The following SLC35B3 variants were observed in gnomAD, a reference collection of about 807,000 sequenced individuals.
SLC35B3 encodes adenosine 3'-phospho 5'-phosphosulfate transporter 2.
A neutral mutation model predicts 44.1 loss-of-function variants in SLC35B3; 35 were observed. The observed-to-expected ratio is 0.79, with a 90% CI of 0.61 to 1.05. The LOEUF is 1.05. Among genes scored for constraint, SLC35B3 ranks in the 50% least tolerant of loss-of-function variants. SLC35B3 has a pLI of 0.00. For missense variants in SLC35B3, 414 were observed against 476.4 expected, an observed-to-expected ratio of 0.87 and a Z score of 1.22; for synonymous variants, 146 against 167.3, an observed-to-expected ratio of 0.87 and a Z score of 0.98.
Position 8,422,618 on chromosome 6 carries a change from TG to T in SLC35B3, c.425del (p.Pro142GlnfsTer6), listed in dbSNP as rs752884499. The T allele has an allele frequency of 4.7e-5, 76 of 1,603,364 alleles. No individual in the cohort carries two copies. The highest frequency in any genetic ancestry group is 5.9e-5 in the Non-Finnish European group (70 of 1,177,086). ...AAGCTATTATCATGTAGGTTTTTCC[TG>T]GTATTCTGTAAAAGACAATTTTTAA... On this transcript the variant is annotated frameshift_variant, in exon 5 of 11. Coordinates refer to ENST00000644923, the MANE Select transcript of SLC35B3 (RefSeq NM_001370476.2). LOFTEE classifies it high-confidence loss of function.
intron 9 of SLC35B3, among the ~76,000 whole-genome samples, chr6:8,415,432 T>A (rs1204484551): frequency 6.6e-6 from 1 of 152,156 alleles, no homozygotes. Context: ...GCAACTGTAT[T>A]AACTTTTCCC....
intron 2 of SLC35B3, among the ~76,000 whole-genome samples, chr6:8,431,654 G>GT (rs1405870614): frequency 1.3e-5 from 2 of 152,248 alleles, no homozygotes; most frequent in Non-Finnish European, 2.9e-5. Context: ...ACTGTCATTT[G>GT]TAAGACTTTT....
chr6:8,435,460 G>T lies in SLC35B3; in HGVS notation c.-161C>A. ...TCACCTCCTCTTCCTCCTCCTCCTC[G>T]CCCACTCCTGCACTTTCCACCGCGG... On this transcript the variant is annotated 5_prime_UTR_variant, in exon 1 of 11. Coordinates refer to ENST00000644923, the MANE Select transcript of SLC35B3 (RefSeq NM_001370476.2). The surrounding 1 kb of genome is among the most constrained non-coding windows in gnomAD (Gnocchi z 5.5). 1 of 1,139,202 alleles carries T rather than the reference G, an allele frequency of 8.8e-7. No homozygotes were observed. The highest frequency in any genetic ancestry group is 1.2e-6 in the Non-Finnish European group (1 of 856,638). The allele number at this position is 1,139,202 out of a possible 1,614,324, so 70.6% of individuals were successfully genotyped here.
At chr6:8,428,662 T>C (rs1338553488) in intron 3 of SLC35B3, among the ~76,000 whole-genome samples, 1 of 152,128 alleles carries the variant, frequency 6.6e-6, no homozygotes, top group Non-Finnish European at 1.5e-5. Context: ...TTAGAGAAAA[T>C]TTATTTAATG....
At position 8,420,157 on chromosome 6, in the gene SLC35B3, G is replaced by C. The variant is rs1308580136; in HGVS notation, c.683-480C>G. Reference sequence around the variant, plus strand: ...CGCTGCTGTCAGGGCCTTTTTCTTTGAGCATGGGTCCTGAATAGAATTCCA... The same window carrying C: ...CGCTGCTGTCAGGGCCTTTTTCTTTCAGCATGGGTCCTGAATAGAATTCCA... On this transcript the variant is annotated intron_variant, in intron 6 of 10. Coordinates refer to ENST00000644923, the MANE Select transcript of SLC35B3 (RefSeq NM_001370476.2). The surrounding 1 kb of genome is among the most constrained non-coding windows in gnomAD (Gnocchi z 4.4). Among the ~76,000 whole-genome samples the C allele has an allele frequency of 6.6e-6, 1 of 151,526 alleles. No individual in the cohort carries two copies. Among genetic ancestry groups the C allele is most frequent in the Non-Finnish European group, 1.5e-5 (1 of 67,900 alleles).
Position 8,412,548 on chromosome 6 carries a change from A to G in SLC35B3, c.*1001T>C, listed in dbSNP as rs1225261670. Among the ~76,000 whole-genome samples the G allele has an allele frequency of 6.6e-6, 1 of 152,250 alleles. No homozygotes were observed. The highest frequency in any genetic ancestry group is 1.5e-5 in the Non-Finnish European group (1 of 68,036). On this transcript the variant is annotated 3_prime_UTR_variant, in exon 11 of 11. Coordinates refer to ENST00000644923, the MANE Select transcript of SLC35B3 (RefSeq NM_001370476.2). ...CTTACTACACATACTTACATGATGC[A>G]GAATGATGTCTGTTTTTACTACCTT...
Position 8,412,600 on chromosome 6 carries a change from C to T in SLC35B3, c.*949G>A, listed in dbSNP as rs1368574454. On this transcript the variant is annotated 3_prime_UTR_variant, in exon 11 of 11. Coordinates refer to ENST00000644923, the MANE Select transcript of SLC35B3 (RefSeq NM_001370476.2). ...CCTATATTCTACATAAAACTTAAAG[C>T]ATGTCTTCTCTAAATCAGTGGTCCC... 6.6e-6 allele frequency among the ~76,000 whole-genome samples: 1 copy of T among 152,138 alleles called. No homozygotes were observed. The highest frequency in any genetic ancestry group is 1.5e-5 in the Non-Finnish European group (1 of 68,022).
At chr6:8,422,036 G>A (rs759737438) in intron 5 of SLC35B3, among the ~76,000 whole-genome samples, 3 of 151,992 alleles carry the variant, frequency 2.0e-5, no homozygotes, top group African/African-American at 4.8e-5. Context: ...ATGGAGTCTC[G>A]CTCTGTCGCC....
Position 8,420,871 on chromosome 6 carries a change from C to T in SLC35B3, c.575-43G>A, listed in dbSNP as rs146523676. On this transcript the variant is annotated intron_variant, in intron 5 of 10. Transcript: ENST00000644923. The surrounding 1 kb of genome is among the most constrained non-coding windows in gnomAD (Gnocchi z 4.4). ...AAGTCCACTTCATTATGCAAATACC[C>T]ACCCAGCTTTATATTTGCTCTATGT... is the stretch of plus-strand genomic sequence containing the variant. 1.4e-5 allele frequency: 20 copies of T among 1,445,574 alleles called. No individual in the cohort carries two copies. Among genetic ancestry groups the T allele is most frequent in the Non-Finnish European group, 1.9e-5 (20 of 1,041,064 alleles). 89.5% of individuals were successfully genotyped at this position (1,445,574 alleles called of 1,614,324 possible).
rs1354982712 is a variant in SLC35B3, at chr6:8,434,496, T to C, written c.-43-66A>G. 26 of 1,380,038 alleles carry C rather than the reference T, an allele frequency of 1.9e-5. No homozygotes were observed. The highest frequency in any genetic ancestry group is 1.8e-4 in the Middle Eastern group (1 of 5,416). The allele number at this position is 1,380,038 out of a possible 1,614,324, so 85.5% of individuals were successfully genotyped here. On this transcript the variant is annotated intron_variant, in intron 1 of 10. Coordinates refer to ENST00000644923, the MANE Select transcript of SLC35B3 (RefSeq NM_001370476.2). The surrounding 1 kb of genome is among the most constrained non-coding windows in gnomAD (Gnocchi z 6.3). Reference sequence around the variant, plus strand: ...TCTCATTTCTTTGTACACACATCATTACACAAAGGTGGAGAAACCCTGTGC... The same window carrying C: ...TCTCATTTCTTTGTACACACATCATCACACAAAGGTGGAGAAACCCTGTGC...
In SLC35B3 at chr6:8,435,495, C is replaced by T. The variant is rs539334123; in HGVS notation, c.-196G>A. ...GCACTTTCCACCGCGGCGGTCGCCT[C>T]CCCGGAAAGCACTCTCAACTCCGGC... On this transcript the variant is annotated 5_prime_UTR_variant, in exon 1 of 11. Coordinates refer to ENST00000644923, the MANE Select transcript of SLC35B3 (RefSeq NM_001370476.2). This position sits in a 1 kb window ranked among gnomAD's most constrained non-coding sequence, Gnocchi z 5.5. 7 of 857,934 alleles carry T rather than the reference C, an allele frequency of 8.2e-6. No individual in the cohort carries two copies. The Admixed American group carries it at 2.0e-4, about 25-fold the overall frequency. The allele number at this position is 857,934 out of a possible 1,614,324, so 53.1% of individuals were successfully genotyped here.
At chr6:8,413,992 C>A (rs114494093) in intron 10 of SLC35B3, among the ~76,000 whole-genome samples, 4 of 152,140 alleles carry the variant, frequency 2.6e-5, no homozygotes, top group Non-Finnish European at 4.4e-5. Context: ...CAGTCCCCTA[C>A]CAAAAGTCGT....
intron 10 of SLC35B3, among the ~76,000 whole-genome samples, chr6:8,414,369 G>C (rs1276704849): frequency 2.0e-5 from 3 of 152,066 alleles, no homozygotes; most frequent in African/African-American, 7.2e-5. Context: ...AGTAAAGACA[G>C]TAAATATGAT....
chr6:8,426,786 G>A (rs1488660445), intron 4 of SLC35B3, among the ~76,000 whole-genome samples: 1 of 152,160 alleles, frequency 6.6e-6, no homozygotes, highest in Non-Finnish European at 1.5e-5. Flanking sequence ...GAGGCTGGAA[G>A]AGTTTGGAGG....
rs1191127438 is a variant in SLC35B3 at position 8,433,848 on chromosome 6, G to T, written c.3+537C>A. On this transcript the variant is annotated intron_variant, in intron 2 of 10. Transcript: ENST00000644923. The surrounding 1 kb of genome is among the most constrained non-coding windows in gnomAD (Gnocchi z 4.1). ...CTAATAACTGTGATCATTGGGGAAT[G>T]TCTGCCATATCCCTTCCACTTCAAA... Among the ~76,000 whole-genome samples, 1 of 151,556 alleles carries T rather than the reference G, an allele frequency of 6.6e-6. No homozygotes were observed. The highest frequency in any genetic ancestry group is 2.4e-5 in the African/African-American group (1 of 41,198).
At position 8,426,654 on chromosome 6, in the gene SLC35B3, C is replaced by T. The variant is rs144610436; in HGVS notation, c.419+1283G>A. Reference sequence around the variant, plus strand: ...TTAAACTTCTTTTTCTTCCCAGTCTCGGGTATGTCTTTATCAGCAGCATGA... The same window carrying T: ...TTAAACTTCTTTTTCTTCCCAGTCTTGGGTATGTCTTTATCAGCAGCATGA... On this transcript the variant is annotated intron_variant, in intron 4 of 10. Coordinates refer to ENST00000644923, the MANE Select transcript of SLC35B3 (RefSeq NM_001370476.2). Among the ~76,000 whole-genome samples the T allele has an allele frequency of 1.9e-3, 284 of 152,184 alleles. 3 individuals carry two copies. The highest frequency in any genetic ancestry group is 6.2e-3 in the African/African-American group (257 of 41,508).
intron 5 of SLC35B3, among the ~76,000 whole-genome samples, chr6:8,421,775 C>T (rs933068256): frequency 3.9e-5 from 6 of 152,108 alleles, no homozygotes; most frequent in African/African-American, 1.4e-4. Context: ...GAGAACTGCC[C>T]ATGCACAATG....
At chr6:8,427,187 G>T (rs1322507163) in intron 4 of SLC35B3, among the ~76,000 whole-genome samples, 2 of 152,120 alleles carry the variant, frequency 1.3e-5, no homozygotes, top group Non-Finnish European at 2.9e-5. Context: ...CCCATTTTTT[G>T]AGGAGAAATT....
chr6:8,431,683 A>G (rs1764003367), intron 2 of SLC35B3, among the ~76,000 whole-genome samples: 1 of 152,174 alleles, frequency 6.6e-6, no homozygotes, highest in Non-Finnish European at 1.5e-5. Flanking sequence ...CTTGCAGGGT[A>G]TCTTTGAGAT....
Sources: gnomAD v4.1 joint callset for allele counts (sites outside exome capture counted in the v4.1 genomes callset) on GRCh38, gnomAD v4.1.1 for gene constraint, Gnocchi (gnomAD v3.1) non-coding constraint, MANE v1.5 for transcripts, NCBI Gene and HGNC (gene_info 2026-07-23, HGNC 2026-07-21) for gene names.